The following CSMD1 variants were observed in gnomAD, a reference collection of about 807,000 sequenced individuals.
CSMD1 encodes the protein CUB and sushi domain-containing protein 1.
A neutral mutation model predicts 417.5 loss-of-function variants in CSMD1; 213 were observed. The observed-to-expected ratio is 0.51, with a 90% CI of 0.46 to 0.57. The LOEUF (loss-of-function observed/expected upper bound fraction) is 0.57, where lower values mean the gene tolerates loss of function less well. CSMD1 is among the 20% of genes least tolerant of loss of function. The probability of loss-of-function intolerance (pLI) is 0.00; values close to 1 mark genes in which losing one functional copy is unlikely to be tolerated. For missense variants in CSMD1, 6,923 were observed against 4,529.7 expected (o/e 1.53, Z -15.17); for synonymous variants, 2,862 against 1,736.8 (o/e 1.65, Z -16.11).
intron 10 of CSMD1, among the ~76,000 whole-genome samples, chr8:3,521,608 A>C (rs567475249): frequency 4.6e-5 from 7 of 152,328 alleles, no homozygotes; most frequent in African/African-American, 1.7e-4. Flanking sequence ...GTGTTTAGCT[A>C]AATCCCTTGT....
At chr8:3,213,623 T>C (rs574460806) in intron 30 of CSMD1, among the ~76,000 whole-genome samples, 2 of 152,146 alleles carry the variant, frequency 1.3e-5, no homozygotes, top group African/African-American at 2.4e-5. Context: ...TTTAAATATA[T>C]ACATATTAGT....
intron 50 of CSMD1, among the ~76,000 whole-genome samples, chr8:3,040,197 T>C (rs1430577431): frequency 6.6e-6 from 1 of 152,130 alleles, no homozygotes; most frequent in Non-Finnish European, 1.5e-5. Context: ...CTTTATGTTC[T>C]GTTTATTTCC....
intron 3 of CSMD1, among the ~76,000 whole-genome samples, chr8:4,251,424 T>C (rs1803064527): frequency 6.6e-6 from 1 of 152,172 alleles, no homozygotes; most frequent in East Asian, 1.9e-4. Flanking sequence ...AGCAATAACA[T>C]GAGACAAGAC....
At chr8:3,761,860 G>A (rs563222535) in intron 5 of CSMD1, among the ~76,000 whole-genome samples, 1 of 151,974 alleles carries the variant, frequency 6.6e-6, no homozygotes, top group African/African-American at 2.4e-5. Context: ...ACTCATGATT[G>A]TCTCTGGCAA....
intron 1 of CSMD1, among the ~76,000 whole-genome samples, chr8:4,965,025 A>C (rs771732327): frequency 5.9e-5 from 9 of 152,178 alleles, no homozygotes; most frequent in Non-Finnish European, 7.3e-5. Context: ...CACAATATGC[A>C]CGTTGCTTTA....
chr8:4,647,867 C>G (rs1348294572), intron 1 of CSMD1, among the ~76,000 whole-genome samples: 2 of 152,188 alleles, frequency 1.3e-5, no homozygotes, highest in African/African-American at 4.8e-5. Flanking sequence ...AATAGTACTG[C>G]AGTAGACATA....
chr8:4,319,825 G>A (rs1003863183), intron 3 of CSMD1, among the ~76,000 whole-genome samples: 1 of 152,044 alleles, frequency 6.6e-6, no homozygotes, highest in Non-Finnish European at 1.5e-5. Flanking sequence ...GGACCCTCGG[G>A]GTCTTCAGCT....
At chr8:3,069,268 C>A (rs1231343756) in intron 49 of CSMD1, among the ~76,000 whole-genome samples, 1 of 151,768 alleles carries the variant, frequency 6.6e-6, no homozygotes, top group Non-Finnish European at 1.5e-5. Context: ...CACCCTGTCG[C>A]TACTAAAAAT....
At chr8:4,229,464 A>G (rs1054126715) in intron 3 of CSMD1, among the ~76,000 whole-genome samples, 9 of 152,196 alleles carry the variant, frequency 5.9e-5, no homozygotes, top group Non-Finnish European at 1.3e-4. Context: ...ACCCACAATC[A>G]CCAACAAGCA....
intron 1 of CSMD1, among the ~76,000 whole-genome samples, chr8:4,696,317 A>G (rs1448880688): frequency 6.6e-6 from 1 of 152,214 alleles, no homozygotes; most frequent in Non-Finnish European, 1.5e-5. Context: ...GGTAGCAATA[A>G]CTTTCAAAGA....
At chr8:3,956,591 G>C (rs1481843497) in intron 5 of CSMD1, among the ~76,000 whole-genome samples, 2 of 152,120 alleles carry the variant, frequency 1.3e-5, no homozygotes, top group Non-Finnish European at 2.9e-5. Flanking sequence ...CCCATGTTTT[G>C]CATACATAAT....
At chr8:3,752,978 A>G (rs111663377) in intron 6 of CSMD1, among the ~76,000 whole-genome samples, 1 of 152,186 alleles carries the variant, frequency 6.6e-6, no homozygotes, top group Non-Finnish European at 1.5e-5. Context: ...CAGGAGCTAT[A>G]ATTAGATCCC....
At chr8:4,773,138 TTAAAAA>T (rs1383146413) in intron 1 of CSMD1, among the ~76,000 whole-genome samples, 1 of 152,170 alleles carries the variant, frequency 6.6e-6, no homozygotes, top group Non-Finnish European at 1.5e-5. Context: ...GTGTCCCTAA[TTAAAAA>T]TAAAGTATCA....
chr8:4,154,979 C>A (rs937542618), intron 3 of CSMD1, among the ~76,000 whole-genome samples: 2 of 152,170 alleles, frequency 1.3e-5, no homozygotes, highest in East Asian at 3.9e-4. Context: ...TACCCTAATG[C>A]TACTCCAGAA....
At chr8:3,946,685 G>T (rs1372776640) in intron 5 of CSMD1, among the ~76,000 whole-genome samples, 1 of 151,996 alleles carries the variant, frequency 6.6e-6, no homozygotes. Flanking sequence ...CTCATTCATG[G>T]TCTAGTGTAT....
chr8:3,893,927 G>A (rs1413143369), intron 5 of CSMD1, among the ~76,000 whole-genome samples: 15 of 151,998 alleles, frequency 9.9e-5, no homozygotes, highest in Admixed American at 9.8e-4. Context: ...AGCATGTACA[G>A]TTACCGCACG....
rs1024780600 is a variant in CSMD1 at position 4,267,639 on chromosome 8, A to T, written c.415+152314T>A. On this transcript the variant is annotated intron_variant, in intron 3 of 69. Coordinates refer to ENST00000635120, the MANE Select transcript of CSMD1 (RefSeq NM_033225.6). ...TTATATTAAATATTAATAATTAAAT[A>T]CATATCTTTGCATACTTCGTGTTTA... Among the ~76,000 whole-genome samples, 7 of 152,164 alleles carry T rather than the reference A, an allele frequency of 4.6e-5. No homozygotes were observed. In the East Asian group the frequency reaches 1.3e-3, roughly 29 times the overall value.
chr8:4,865,232 A>G (rs1429470645), intron 1 of CSMD1, among the ~76,000 whole-genome samples: 15 of 151,862 alleles, frequency 9.9e-5, no homozygotes, highest in Non-Finnish European at 2.9e-5. Flanking sequence ...AAAAAATTAA[A>G]TACTTGTACC....
intron 15 of CSMD1, among the ~76,000 whole-genome samples, chr8:3,400,095 G>A (rs1188624218): frequency 1.3e-5 from 2 of 152,098 alleles, no homozygotes; most frequent in Non-Finnish European, 2.9e-5. Context: ...CCTTTTGCAA[G>A]GTTTTGTGAC....
Sources: gnomAD v4.1 joint callset for allele counts (sites outside exome capture counted in the v4.1 genomes callset) on GRCh38, gnomAD v4.1.1 for gene constraint, MANE v1.5 for transcripts, NCBI Gene and HGNC (gene_info 2026-07-23, HGNC 2026-07-21) for gene names.